Variants in KCNQ1 observed in about 807,000 individuals in gnomAD.
The protein encoded by KCNQ1 is potassium voltage-gated channel subfamily KQT member 1.
KCNQ1 carries 49 observed loss-of-function variants against 72.4 expected under a neutral mutation model. The ratio of observed to expected loss-of-function variants is 0.68; its 90% CI spans 0.54 to 0.86. The LOEUF (loss-of-function observed/expected upper bound fraction) is 0.86. KCNQ1 is among the 40% of genes least tolerant of loss of function. The pLI is 0.00. For synonymous variants in KCNQ1, 450 were observed against 412.6 expected (o/e 1.09, Z -1.10); for missense variants, 790 against 945.1 (o/e 0.84, Z 2.15).
chr11:2,779,485 G>A lies in KCNQ1; in HGVS notation c.1794+1448G>A, dbSNP rs141423138. 3.3e-3 allele frequency among the ~76,000 whole-genome samples: 508 copies of A among 152,310 alleles called. 3 individuals carry two copies. The highest frequency in any genetic ancestry group is 8.0e-3 in the Admixed American group (122 of 15,308). ...CCATCTCGGCTGCAGCCAGGCAGGC[G>A]GGGCGTGAACATCCCTGACGTGCAG... is the stretch of plus-strand genomic sequence containing the variant. On this transcript the variant is annotated intron_variant, in intron 15 of 15. Coordinates refer to ENST00000155840, the MANE Select transcript of KCNQ1 (RefSeq NM_000218.3).
At chr11:2,555,679 G>T (rs1354339305) in intron 2 of KCNQ1, among the ~76,000 whole-genome samples, 1 of 152,216 alleles carries the variant, frequency 6.6e-6, no homozygotes, top group Non-Finnish European at 1.5e-5. Context: ...AGCCCCACCT[G>T]CCTTTTTGAC....
At position 2,528,013 on chromosome 11, in the gene KCNQ1, T is replaced by C; in HGVS notation, c.472T>C (p.Trp158Arg). 1 of 1,612,586 alleles carries C rather than the reference T, an allele frequency of 6.2e-7. No individual in the cohort carries two copies. The highest frequency in any genetic ancestry group is 8.5e-7 in the Non-Finnish European group (1 of 1,178,954). ...YAALATGTLF[W>R]MEIVLVVFFG... is the part of the protein sequence containing the mutation. The stretch of plus-strand genomic sequence containing the variant: ...CGCCCTGGCCACGGGGACTCTCTTC[T>C]GGATGGTACGTAGCATCTGAGGGCA... The change falls in exon 2 of 16, where the codon TGG becomes CGG. Residue 158 changes from tryptophan (W) to arginine (R), a missense_variant. By Grantham distance (101) the Trp-to-Arg change is moderately radical. Transcript: ENST00000155840.
intron 1 of KCNQ1, among the ~76,000 whole-genome samples, chr11:2,500,254 G>A (rs754230183): frequency 9.2e-5 from 14 of 152,108 alleles, no homozygotes; most frequent in Admixed American, 2.6e-4. Context: ...CATTTATGCA[G>A]CCAAAAAACA....
chr11:2,445,179 C>T lies in KCNQ1; in HGVS notation c.81C>T (p.Ser27=), dbSNP rs794728546. The T allele has an allele frequency of 8.8e-7, 1 of 1,140,424 alleles. No individual in the cohort carries two copies. The highest frequency in any genetic ancestry group is 1.1e-6 in the Non-Finnish European group (1 of 925,674). The allele number at this position is 1,140,424 out of a possible 1,614,324, so 70.6% of individuals were successfully genotyped here. A position where few individuals can be genotyped will look rare whatever the true frequency, so the allele number is the denominator to read the frequency against. Residue 27 remains serine, a synonymous_variant, in exon 1 of 16, where the codon AGC becomes AGT. Transcript: ENST00000155840. ...GCCTGCCAGGCGCCCGGCGGGGCAG[C>T]GCGGGCCTGGCCAAGAAGTGCCCCT... is the stretch of plus-strand genomic sequence containing the variant. ...WGRLPGARRG[S]AGLAKKCPFS...
chr11:2,760,020 C>T (rs1846364486), intron 11 of KCNQ1, among the ~76,000 whole-genome samples: 1 of 152,228 alleles, frequency 6.6e-6, no homozygotes, highest in African/African-American at 2.4e-5. Flanking sequence ...CATGGGCAGC[C>T]CAGTCCGGGA....
chr11:2,673,325 A>G lies in KCNQ1; in HGVS notation c.1514+11244A>G, dbSNP rs1850220778. 1 of 398,780 alleles carries G rather than the reference A, an allele frequency of 2.5e-6. No homozygotes were observed. The highest frequency in any genetic ancestry group is 4.4e-5 in the Admixed American group (1 of 22,746). 24.7% of individuals were successfully genotyped at this position (398,780 alleles called of 1,614,324 possible). On this transcript the variant is annotated intron_variant, in intron 11 of 15. Coordinates refer to ENST00000155840, the MANE Select transcript of KCNQ1 (RefSeq NM_000218.3). This position sits in a 1 kb window ranked among gnomAD's most constrained non-coding sequence, Gnocchi z 4.5. ...AAACAATCCCACAGGCTACCAGGCCAGCTTTTGGAAACAGTCTCATTAGCA... is the reference window on the plus strand; with the variant it reads ...AAACAATCCCACAGGCTACCAGGCCGGCTTTTGGAAACAGTCTCATTAGCA...
intron 1 of KCNQ1, among the ~76,000 whole-genome samples, chr11:2,519,055 G>A (rs542982420): frequency 6.6e-6 from 1 of 152,368 alleles, no homozygotes; most frequent in Admixed American, 6.5e-5. Context: ...GCTGGGCAGT[G>A]TGGACAATGG....
Position 2,642,552 on chromosome 11 carries a change from G to A in KCNQ1, c.1394-19409G>A, listed in dbSNP as rs1370193224. 1 of 397,640 alleles carries A rather than the reference G, an allele frequency of 2.5e-6. No individual in the cohort carries two copies. The highest frequency in any genetic ancestry group is 4.4e-6 in the Non-Finnish European group (1 of 225,576). The allele number at this position is 397,640 out of a possible 1,614,324, so 24.6% of individuals were successfully genotyped here. A position where few individuals can be genotyped will look rare whatever the true frequency, so the allele number is the denominator to read the frequency against. On this transcript the variant is annotated intron_variant, in intron 10 of 15. Coordinates refer to ENST00000155840, the MANE Select transcript of KCNQ1 (RefSeq NM_000218.3). This position sits in a 1 kb window ranked among gnomAD's most constrained non-coding sequence, Gnocchi z 4.3. The stretch of plus-strand genomic sequence containing the variant: ...TTCATTTTTGATTTTATTCATGTAG[G>A]TCTTCTCTCTTTTCTTCTTGGATAG...
In KCNQ1 at chr11:2,624,519, A is replaced by C. The variant is rs994694478; in HGVS notation, c.1393+35665A>C. The stretch of plus-strand genomic sequence containing the variant: ...CTAAAGATCATCTAGATTTCTTCCT[A>C]TGTTATCTTCTGGGATTTCTATTTG... On this transcript the variant is annotated intron_variant, in intron 10 of 15. Coordinates refer to ENST00000155840, the MANE Select transcript of KCNQ1 (RefSeq NM_000218.3). The surrounding 1 kb of genome is among the most constrained non-coding windows in gnomAD (Gnocchi z 4.9). The C allele has an allele frequency of 1.0e-5, 4 of 398,444 alleles. No homozygotes were observed. The East Asian group carries it at 1.4e-4, about 14-fold the overall frequency. The allele number at this position is 398,444 out of a possible 1,614,324, so 24.7% of individuals were successfully genotyped here.
chr11:2,470,092 C>T (rs1029552281), intron 1 of KCNQ1, among the ~76,000 whole-genome samples: 6 of 152,210 alleles, frequency 3.9e-5, no homozygotes, highest in Non-Finnish European at 7.3e-5. Flanking sequence ...TCCTAAGTAG[C>T]TGGGACCACA....
rs969599940 is a variant in KCNQ1, at chr11:2,647,761, G to C, written c.1394-14200G>C. The stretch of plus-strand genomic sequence containing the variant: ...CCAGGAATTTATCTCTTTCCTCTAG[G>C]TTTTCTAATTGTTGACATATAGTTG... On this transcript the variant is annotated intron_variant, in intron 10 of 15. Coordinates refer to ENST00000155840, the MANE Select transcript of KCNQ1 (RefSeq NM_000218.3). This position sits in a 1 kb window ranked among gnomAD's most constrained non-coding sequence, Gnocchi z 4.0. The C allele has an allele frequency of 2.5e-6, 1 of 398,100 alleles. No homozygotes were observed. The highest frequency in any genetic ancestry group is 4.4e-6 in the Non-Finnish European group (1 of 226,016). The allele number at this position is 398,100 out of a possible 1,614,324, so 24.7% of individuals were successfully genotyped here.
Position 2,723,561 on chromosome 11 carries a change from A to G in KCNQ1, c.1515-45283A>G, listed in dbSNP as rs556214943. Among the ~76,000 whole-genome samples the G allele has an allele frequency of 6.6e-6, 1 of 152,322 alleles. No individual in the cohort carries two copies. Among genetic ancestry groups the G allele is most frequent in the African/African-American group, 2.4e-5 (1 of 41,570 alleles). On this transcript the variant is annotated intron_variant, in intron 11 of 15. Transcript: ENST00000155840. The surrounding 1 kb of genome is among the most constrained non-coding windows in gnomAD (Gnocchi z 4.2). Reference sequence around the variant, plus strand: ...TAGCAGTGGGCCTGGAGGCAGTGGCATTTAGAGAGGACCCTGAAGTCCAAA... The same window carrying G: ...TAGCAGTGGGCCTGGAGGCAGTGGCGTTTAGAGAGGACCCTGAAGTCCAAA...
Position 2,642,430 on chromosome 11 carries a change from G to A in KCNQ1, c.1394-19531G>A, listed in dbSNP as rs1170526543. 2.5e-6 allele frequency: 1 copy of A among 397,904 alleles called. No individual in the cohort carries two copies. The highest frequency in any genetic ancestry group is 4.4e-6 in the Non-Finnish European group (1 of 225,764). The allele number at this position is 397,904 out of a possible 1,614,324, so 24.6% of individuals were successfully genotyped here. ...GTTCTTTATTGGTATATAGAAATAA[G>A]CCTGATTTTTAAATCCTGTAACTGT... On this transcript the variant is annotated intron_variant, in intron 10 of 15. Transcript: ENST00000155840. This position sits in a 1 kb window ranked among gnomAD's most constrained non-coding sequence, Gnocchi z 4.3.
chr11:2,772,312 T>C lies in KCNQ1; in HGVS notation c.1590+3393T>C, dbSNP rs1381462445. ...GCCTACCTTGCTGGCTGATAAGTCC[T>C]TGGCCAACCACCCCTGTGTCTGGCC... On this transcript the variant is annotated intron_variant, in intron 12 of 15. Transcript: ENST00000155840. The surrounding 1 kb of genome is among the most constrained non-coding windows in gnomAD (Gnocchi z 6.6). Among the ~76,000 whole-genome samples the C allele has an allele frequency of 6.6e-6, 1 of 152,118 alleles. No homozygotes were observed. Among genetic ancestry groups the C allele is most frequent in the Non-Finnish European group, 1.5e-5 (1 of 68,010 alleles).
chr11:2,563,446 C>T lies in KCNQ1; in HGVS notation c.478-7182C>T, dbSNP rs543661531. Among the ~76,000 whole-genome samples, 25 of 152,188 alleles carry T rather than the reference C, an allele frequency of 1.6e-4. No homozygotes were observed. Among genetic ancestry groups the T allele is most frequent in the Non-Finnish European group, 3.2e-4 (22 of 68,042 alleles). On this transcript the variant is annotated intron_variant, in intron 2 of 15. Coordinates refer to ENST00000155840, the MANE Select transcript of KCNQ1 (RefSeq NM_000218.3). This position sits in a 1 kb window ranked among gnomAD's most constrained non-coding sequence, Gnocchi z 7.4. ...TTATGCCACTGTAACCCCACAACAC[C>T]GGATACCAGCATGGGGTCGGCCTGC...
In KCNQ1 at chr11:2,768,371, C is replaced by T. The variant is rs1477098199; in HGVS notation, c.1515-473C>T. Among the ~76,000 whole-genome samples, 1 of 152,212 alleles carries T rather than the reference C, an allele frequency of 6.6e-6. No homozygotes were observed. The highest frequency in any genetic ancestry group is 2.1e-4 in the South Asian group (1 of 4,834). On this transcript the variant is annotated intron_variant, in intron 11 of 15. Coordinates refer to ENST00000155840, the MANE Select transcript of KCNQ1 (RefSeq NM_000218.3). This position sits in a 1 kb window ranked among gnomAD's most constrained non-coding sequence, Gnocchi z 6.7. The stretch of plus-strand genomic sequence containing the variant: ...GGCAACTTTCCCTTGTTAATTTGTC[C>T]TGTAGCCCCTACTTTCCCAAGCGCT...
intron 10 of KCNQ1, chr11:2,628,451 A>G (rs149816823): frequency 3.1e-4 from 124 of 398,404 alleles, no homozygotes; most frequent in African/African-American, 2.4e-3. Context: ...ATAAATGTCT[A>G]TTCAGTCCCT....
chr11:2,479,462 A>G lies in KCNQ1; in HGVS notation c.386+33978A>G, dbSNP rs879865897. 2.0e-5 allele frequency among the ~76,000 whole-genome samples: 3 copies of G among 152,162 alleles called. No individual in the cohort carries two copies. Among genetic ancestry groups the G allele is most frequent in the Non-Finnish European group, 2.9e-5 (2 of 68,026 alleles). Reference sequence around the variant, plus strand: ...TGTGCACCCACAGGCTCAACACCACATGGAAGCTACCAAGAGTTGGGGCTT... The same window carrying G: ...TGTGCACCCACAGGCTCAACACCACGTGGAAGCTACCAAGAGTTGGGGCTT... On this transcript the variant is annotated intron_variant, in intron 1 of 15. Transcript: ENST00000155840. The surrounding 1 kb of genome is among the most constrained non-coding windows in gnomAD (Gnocchi z 4.6).
At chr11:2,709,220 G>GCCCCCCCCCCCCCCCCCCCCCCCCCCCC (rs34617956) in intron 11 of KCNQ1, among the ~76,000 whole-genome samples, 1 of 130,038 alleles carries the variant, frequency 7.7e-6, no homozygotes, top group Admixed American at 8.1e-5. Context: ...CGGCTTCCAG[G>GCCCCCCCCCCCCCCCCCCCCCCCCCCCC]CCCCCCCCAC....
Sources: allele counts gnomAD v4.1 joint callset (sites outside exome capture counted in the v4.1 genomes callset), GRCh38; gene constraint gnomAD v4.1.1; non-coding constraint Gnocchi (gnomAD v3.1); transcripts MANE v1.5; gene names NCBI Gene and HGNC (gene_info 2026-07-23, HGNC 2026-07-21).